Variants in ANO6 observed in about 807,000 individuals in gnomAD.
ANO6 encodes the protein anoctamin-6.
ANO6 carries 106 observed loss-of-function variants against 117.5 expected under a neutral mutation model. That is an observed-to-expected ratio of 0.90 (90% CI 0.77 to 1.06). ANO6 has a LOEUF of 1.06. Among genes scored for constraint, ANO6 ranks in the 50% least tolerant of loss-of-function variants. The pLI is 0.00. For synonymous variants in ANO6, 367 were observed against 385.1 expected (o/e 0.95, Z 0.55); for missense variants, 955 against 1,121.1 (o/e 0.85, Z 2.12).
intron 9 of ANO6, among the ~76,000 whole-genome samples, chr12:45,368,707 C>A (rs1228547289): frequency 6.6e-6 from 1 of 152,188 alleles, no homozygotes; most frequent in Non-Finnish European, 1.5e-5. Context: ...TTCTCTCTAT[C>A]CCCTTGTTCT....
At position 45,403,218 on chromosome 12, in the gene ANO6, T is replaced by C; in HGVS notation, c.1759T>C (p.Leu587=). 1.9e-6 allele frequency: 3 copies of C among 1,613,938 alleles called. No homozygotes were observed. Among genetic ancestry groups the C allele is most frequent in the Non-Finnish European group, 1.7e-6 (2 of 1,179,894 alleles). ...CTATCCAGGAGACCCAGTTTATTGG[T>C]TGGGAAAATACAGAAATGAAGAGGT... ...VGYPGDPVYW[L]GKYRNEECDP... is the part of the protein sequence containing the mutation. Residue 587 remains leucine, a synonymous_variant, in exon 14 of 20, where the codon TTG becomes CTG. Transcript: ENST00000320560.
chr12:45,334,545 C>T (rs997475740), intron 3 of ANO6, among the ~76,000 whole-genome samples: 56 of 152,088 alleles, frequency 3.7e-4, no homozygotes, highest in African/African-American at 1.3e-3. Context: ...TGGAAGGGCC[C>T]TTTGCAGATT....
At chr12:45,380,175 C>T (rs1942132869) in intron 10 of ANO6, among the ~76,000 whole-genome samples, 1 of 152,176 alleles carries the variant, frequency 6.6e-6, no homozygotes, top group East Asian at 1.9e-4. Context: ...AATGTCCATC[C>T]TTTCAGGACA....
At chr12:45,328,437 G>T (rs1381598183) in intron 2 of ANO6, among the ~76,000 whole-genome samples, 2 of 151,942 alleles carry the variant, frequency 1.3e-5, no homozygotes, top group Non-Finnish European at 2.9e-5. Context: ...AAAAAAATTT[G>T]ATCTAGTGTC....
At chr12:45,237,185 C>G (rs1376641960) in intron 1 of ANO6, among the ~76,000 whole-genome samples, 1 of 152,170 alleles carries the variant, frequency 6.6e-6, no homozygotes, top group Non-Finnish European at 1.5e-5. Context: ...TGCCTGTTCA[C>G]TCTGATGGTA....
rs1555168447 is a variant in ANO6, at chr12:45,317,113, G to GTATA, written c.151-14166_151-14163dup. On this transcript the variant is annotated intron_variant, in intron 2 of 19. Transcript: ENST00000320560. ...AAAGACAGCTGGATTCTTTTTATAT[G>GTATA]TATATATATATATATATATTTATTA... is the stretch of plus-strand genomic sequence containing the variant. Among the ~76,000 whole-genome samples the GTATA allele has an allele frequency of 1.6e-3, 109 of 66,452 alleles. 8 individuals carry two copies. The highest frequency in any genetic ancestry group is 3.7e-3 in the African/African-American group (89 of 24,306). The allele number at this position is 66,452 out of a possible 152,430, so 43.6% of individuals were successfully genotyped here.
At chr12:45,248,146 C>A (rs1353271646) in intron 1 of ANO6, among the ~76,000 whole-genome samples, 1 of 152,162 alleles carries the variant, frequency 6.6e-6, no homozygotes, top group African/African-American at 2.4e-5. Context: ...AAGTTAATTT[C>A]TTTTCCTGAC....
chr12:45,282,159 T>G (rs1270023105), intron 1 of ANO6, among the ~76,000 whole-genome samples: 2 of 152,146 alleles, frequency 1.3e-5, no homozygotes, highest in African/African-American at 4.8e-5. Context: ...GCTTTGAGTG[T>G]GTTTGTGGTT....
In ANO6 at chr12:45,431,298, T is replaced by C. The variant is rs1943626620; in HGVS notation, c.*1987T>C. ...CTCTCTTCACTCCTGAGATACTGCT[T>C]CTGGAAGCGGGTGTCACTTCCTCTC... On this transcript the variant is annotated 3_prime_UTR_variant, in exon 20 of 20. Coordinates refer to ENST00000320560, the MANE Select transcript of ANO6 (RefSeq NM_001025356.3). 2.0e-6 allele frequency: 2 copies of C among 985,446 alleles called. No homozygotes were observed. Among genetic ancestry groups the C allele is most frequent in the South Asian group, 9.4e-5 (2 of 21,286 alleles). The allele number at this position is 985,446 out of a possible 1,614,324, so 61.0% of individuals were successfully genotyped here.
intron 10 of ANO6, among the ~76,000 whole-genome samples, chr12:45,386,465 T>C (rs188917039): frequency 3.9e-5 from 6 of 152,280 alleles, no homozygotes; most frequent in African/African-American, 1.4e-4. Context: ...ATTGCCTAAG[T>C]CAGAAACCTG....
chr12:45,429,790 A>C lies in ANO6; in HGVS notation c.*479A>C. The C allele has an allele frequency of 1.0e-6, 1 of 997,230 alleles. No homozygotes were observed. The highest frequency in any genetic ancestry group is 4.4e-5 in the South Asian group (1 of 22,880). The allele number at this position is 997,230 out of a possible 1,614,324, so 61.8% of individuals were successfully genotyped here. ...ATTTAATAGCTTTCATGTGATTAAA[A>C]ATAGCTAACTAGACTCAAGGATTCA... On this transcript the variant is annotated 3_prime_UTR_variant, in exon 20 of 20. Transcript: ENST00000320560.
chr12:45,362,622 A>G (rs1416180576), intron 8 of ANO6, among the ~76,000 whole-genome samples: 1 of 151,282 alleles, frequency 6.6e-6, no homozygotes, highest in African/African-American at 2.4e-5. Flanking sequence ...CTATTCCTTC[A>G]TTACTACTTT....
intron 2 of ANO6, among the ~76,000 whole-genome samples, chr12:45,317,969 G>T (rs1433473573): frequency 2.0e-5 from 3 of 152,102 alleles, no homozygotes; most frequent in Non-Finnish European, 2.9e-5. Flanking sequence ...TGATGGGGTT[G>T]TTTGTTTGTT....
intron 8 of ANO6, among the ~76,000 whole-genome samples, chr12:45,362,603 CTTGT>C (rs1017771499): frequency 4.6e-5 from 7 of 151,724 alleles, no homozygotes; most frequent in African/African-American, 1.7e-4. Flanking sequence ...CTTTTTGTCT[CTTGT>C]TTTTCTATTC....
At position 45,347,781 on chromosome 12, in the gene ANO6, A is replaced by G. The variant is rs141050652; in HGVS notation, c.346-247A>G. ...TAAGTTTGGTTTTCTTCATTTTATAAATTATTTTCATAGTTTTATGAACTA... is the reference window on the plus strand; with the variant it reads ...TAAGTTTGGTTTTCTTCATTTTATAGATTATTTTCATAGTTTTATGAACTA... On this transcript the variant is annotated intron_variant, in intron 4 of 19. Transcript: ENST00000320560. Among the ~76,000 whole-genome samples, 472 of 152,304 alleles carry G rather than the reference A, an allele frequency of 3.1e-3. 1 individual carries two copies. Among genetic ancestry groups the G allele is most frequent in the Middle Eastern group, 6.8e-3 (2 of 294 alleles).
chr12:45,410,080 A>G (rs1442007301), intron 16 of ANO6, among the ~76,000 whole-genome samples: 1 of 152,236 alleles, frequency 6.6e-6, no homozygotes, highest in Non-Finnish European at 1.5e-5. Flanking sequence ...TTCTTAAAGC[A>G]TTCTAATCAT....
At chr12:45,377,013 A>G (rs1299113343) in intron 9 of ANO6, among the ~76,000 whole-genome samples, 1 of 152,120 alleles carries the variant, frequency 6.6e-6, no homozygotes, top group Non-Finnish European at 1.5e-5. Flanking sequence ...TTTTATGAAG[A>G]TAACTAATAT....
chr12:45,261,956 T>C (rs1386775721), intron 1 of ANO6, among the ~76,000 whole-genome samples: 1 of 152,244 alleles, frequency 6.6e-6, no homozygotes, highest in Non-Finnish European at 1.5e-5. Flanking sequence ...ACAAATGATA[T>C]GCAGTATACA....
At chr12:45,286,684 G>C (rs1416534532) in intron 1 of ANO6, among the ~76,000 whole-genome samples, 1 of 152,170 alleles carries the variant, frequency 6.6e-6, no homozygotes, top group Non-Finnish European at 1.5e-5. Flanking sequence ...CTTCAGGCAG[G>C]ATTAAGCATA....
Sources: gnomAD v4.1 joint callset for allele counts (sites outside exome capture counted in the v4.1 genomes callset) on GRCh38, gnomAD v4.1.1 for gene constraint, MANE v1.5 for transcripts, NCBI Gene and HGNC (gene_info 2026-07-23, HGNC 2026-07-21) for gene names.